The following SNED1 variants were observed in gnomAD, a reference collection of about 807,000 sequenced individuals.
SNED1 encodes the protein sushi, nidogen and EGF-like domain-containing protein 1.
SNED1 carries 81 observed loss-of-function variants against 166.7 expected under a neutral mutation model. That is an observed-to-expected ratio of 0.49 (90% CI 0.41 to 0.58). The LOEUF (loss-of-function observed/expected upper bound fraction) is 0.58. Ranked by LOEUF, SNED1 falls within the 20% of genes least tolerant of loss-of-function variation. SNED1 has a pLI of 0.00. For synonymous variants in SNED1, 762 were observed against 822.0 expected, an observed-to-expected ratio of 0.93 and a Z score of 1.25; for missense variants, 1,604 against 2,000.2, an observed-to-expected ratio of 0.80 and a Z score of 3.78.
chr2:241,016,983 G>C (rs1485944346), intron 1 of SNED1, among the ~76,000 whole-genome samples: 2 of 151,610 alleles, frequency 1.3e-5, no homozygotes, highest in Non-Finnish European at 2.9e-5. Context: ...CTCCCGAGTA[G>C]CTGGGATTAC....
chr2:241,052,482 G>A lies in SNED1; in HGVS notation c.2083+14G>A, dbSNP rs1051535211. ...GGTGCCAGGCAGGTGAGAGGGTCAG[G>A]GGGATCAAGCAGGGTACATGGGATA... is the stretch of plus-strand genomic sequence containing the variant. On this transcript the variant is annotated intron_variant, in intron 15 of 31. Coordinates refer to ENST00000310397, the MANE Select transcript of SNED1 (RefSeq NM_001080437.3). The A allele has an allele frequency of 6.3e-7, 1 of 1,580,590 alleles. No individual in the cohort carries two copies. Among genetic ancestry groups the A allele is most frequent in the Non-Finnish European group, 8.6e-7 (1 of 1,156,548 alleles).
chr2:241,005,843 A>G (rs2060207954), intron 1 of SNED1, among the ~76,000 whole-genome samples: 1 of 151,746 alleles, frequency 6.6e-6, no homozygotes, highest in African/African-American at 2.4e-5. Flanking sequence ...ACTGCTTTTC[A>G]GCAATTTGGT....
chr2:241,089,638 C>G (rs1255167146), intron 31 of SNED1, among the ~76,000 whole-genome samples: 1 of 152,196 alleles, frequency 6.6e-6, no homozygotes, highest in African/African-American at 2.4e-5. Flanking sequence ...GAATCACTTC[C>G]CGCTCCCACC....
rs2061492059 is a variant in SNED1, at chr2:241,040,358, G to C, written c.1218G>C (p.Val406=). 1 of 1,609,316 alleles carries C rather than the reference G, an allele frequency of 6.2e-7. No individual in the cohort carries two copies. The highest frequency in any genetic ancestry group is 8.5e-7 in the Non-Finnish European group (1 of 1,177,938). ...ATGGAGGCTCTTGTGTTGACCTAGT[G>C]GGGAATTACACCTGCTTGTGTGCCG... The part of the protein sequence containing the change: ...CLNGGSCVDL[V]GNYTCLCAEP... Residue 406 remains valine, a synonymous_variant, in exon 8 of 32, where the codon GTG becomes GTC. Transcript: ENST00000310397.
At chr2:241,003,295 G>A (rs887024357) in intron 1 of SNED1, among the ~76,000 whole-genome samples, 45 of 152,172 alleles carry the variant, frequency 3.0e-4, no homozygotes, top group African/African-American at 1.1e-3. Context: ...TCTGGTGTTG[G>A]GCTCAGAATA....
chr2:241,033,086 A>AT (rs1169953440), intron 2 of SNED1, among the ~76,000 whole-genome samples: 1 of 152,170 alleles, frequency 6.6e-6, no homozygotes, highest in African/African-American at 2.4e-5. Context: ...TTATACATAT[A>AT]TGCCTGTATT....
chr2:241,087,991 T>G, intron 30 of SNED1: 1 of 398,354 alleles, frequency 2.5e-6, no homozygotes. Flanking sequence ...ACGTACTTGT[T>G]TGGCATTACC....
intron 21 of SNED1, among the ~76,000 whole-genome samples, chr2:241,066,049 G>A (rs1295779445): frequency 1.3e-5 from 2 of 152,202 alleles, no homozygotes; most frequent in African/African-American, 2.4e-5. Flanking sequence ...GGTGTGCTAA[G>A]GGGAGGCATC....
chr2:241,030,693 G>T, intron 2 of SNED1, 122 bp downstream of exon 2: 1 of 1,050,312 alleles, frequency 9.5e-7, no homozygotes, highest in South Asian at 1.6e-5. Context: ...ACCCAAGAGG[G>T]GAACACGTGG....
At chr2:241,050,029 C>A in intron 12 of SNED1, 96 bp downstream of exon 12, 1 of 916,812 alleles carries the variant, frequency 1.1e-6, no homozygotes, top group Non-Finnish European at 1.8e-6. Flanking sequence ...CCTTGTTTCG[C>A]GAATTGCTGA....
chr2:241,053,224 G>C lies in SNED1; in HGVS notation c.2155G>C (p.Val719Leu). 2 of 1,609,482 alleles carry C rather than the reference G, an allele frequency of 1.2e-6. No individual in the cohort carries two copies. The change falls in exon 16 of 32, where the codon GTG (valine) becomes CTG (leucine). Residue 719 changes from valine (V) to leucine (L), a missense_variant. Around this residue, in one of 2 missense-constraint regions of SNED1, gnomAD observed 1,237 missense variants for 1,620.8 expected, o/e 0.76. Transcript: ENST00000310397. ...LRFNGTRLGAVALYACDRGYS... is the reference protein window; with the variant it reads ...LRFNGTRLGALALYACDRGYS... ...CTTCAACGGCACGCGGCTGGGCGCG[G>C]TGGCCCTGTATGCATGTGACCGTGG... is the stretch of plus-strand genomic sequence containing the variant.
chr2:241,056,598 T>TTTTTTTTA, intron 16 of SNED1, among the ~76,000 whole-genome samples: 1 of 149,770 alleles, frequency 6.7e-6, no homozygotes, highest in East Asian at 2.0e-4. Flanking sequence ...TTTTTTTTTT[T>TTTTTTTTA]GAGACGGAGT....
At chr2:241,072,303 A>C in intron 26 of SNED1, 1 of 438,916 alleles carries the variant, frequency 2.3e-6, no homozygotes, top group Non-Finnish European at 4.6e-6. Context: ...TGTCCTGGCA[A>C]GATCTTCCCG....
At chr2:241,043,255 C>G (rs1187510531) in intron 8 of SNED1, among the ~76,000 whole-genome samples, 1 of 152,112 alleles carries the variant, frequency 6.6e-6, no homozygotes, top group Non-Finnish European at 1.5e-5. Flanking sequence ...TAAAAAACCT[C>G]AAAAACAGCC....
intron 30 of SNED1, 181 bp downstream of exon 30, chr2:241,087,656 T>A: frequency 7.1e-7 from 1 of 1,406,362 alleles, no homozygotes; most frequent in Non-Finnish European, 9.2e-7. Context: ...TATATGTGCA[T>A]GTGAGCATAC....
chr2:241,011,130 A>AGGTCTCCTGGGTCTCCTG, intron 1 of SNED1, among the ~76,000 whole-genome samples: 5 of 96,586 alleles, frequency 5.2e-5, no homozygotes, highest in South Asian at 4.0e-4. Context: ...TGGGGGTGGC[A>AGGTCTCCTGGGTCTCCTG]GGTCTCCTGG....
intron 28 of SNED1, 52 bp downstream of exon 28, chr2:241,081,845 A>C: frequency 7.5e-7 from 1 of 1,332,038 alleles, no homozygotes; most frequent in Non-Finnish European, 1.1e-6. Flanking sequence ...CCTGTGCCTC[A>C]GCCTAGGACT....
At chr2:241,060,614 C>T (rs2062200592) in intron 16 of SNED1, among the ~76,000 whole-genome samples, 1 of 150,726 alleles carries the variant, frequency 6.6e-6, no homozygotes, top group Non-Finnish European at 1.5e-5. Context: ...GGAATTAAAT[C>T]CAGGTGGATT....
chr2:241,063,835 G>C (rs1389302101), intron 18 of SNED1, 135 bp downstream of exon 18: 16 of 793,972 alleles, frequency 2.0e-5, no homozygotes, highest in Non-Finnish European at 3.2e-5. Context: ...CGGCCACCTT[G>C]GGAGGGAGGG....
Sources: allele counts gnomAD v4.1 joint callset (sites outside exome capture counted in the v4.1 genomes callset), GRCh38; gene constraint gnomAD v4.1.1; regional missense constraint gnomAD v4.1.1; transcripts MANE v1.5; gene names NCBI Gene and HGNC (gene_info 2026-07-23, HGNC 2026-07-21).